The following RABL3 variants were observed in gnomAD, a reference collection of about 807,000 sequenced individuals.
The protein encoded by RABL3 is RAB, member of RAS oncogene family like 3.
A neutral mutation model predicts 31.8 loss-of-function variants in RABL3; 31 were observed. The ratio of observed to expected loss-of-function variants is 0.97; its 90% CI spans 0.73 to 1.31. The LOEUF (loss-of-function observed/expected upper bound fraction) is 1.31. Among genes scored for constraint, RABL3 ranks in the 40% most tolerant of loss-of-function variants. The probability of loss-of-function intolerance (pLI) is 0.00; values close to 1 mark genes in which losing one functional copy is unlikely to be tolerated. For synonymous variants in RABL3, 97 were observed against 99.9 expected (o/e 0.97, Z 0.18); for missense variants, 263 against 279.6 (o/e 0.94, Z 0.42).
chr3:120,720,448 A>G (rs1185899163), intron 2 of RABL3, among the ~76,000 whole-genome samples: 1 of 152,170 alleles, frequency 6.6e-6, no homozygotes, highest in Admixed American at 6.5e-5. Context: ...AAAAGATTAG[A>G]TGAAAGGCTA....
intron 6 of RABL3, among the ~76,000 whole-genome samples, chr3:120,690,756 A>G (rs542640821): frequency 3.4e-4 from 51 of 152,204 alleles, no homozygotes; most frequent in Non-Finnish European, 5.7e-4. Flanking sequence ...ATAGAATGAT[A>G]TAAGATCCTA....
intron 1 of RABL3, 30 bp from the exon 2 acceptor site, chr3:120,730,817 T>C: frequency 6.9e-7 from 1 of 1,446,134 alleles, no homozygotes; most frequent in Non-Finnish European, 9.7e-7. Context: ...TCTAGTCACA[T>C]AAGAGACAAG....
At chr3:120,689,921 C>G in intron 7 of RABL3, 33 bp from the exon 8 acceptor site, 1 of 1,554,052 alleles carries the variant, frequency 6.4e-7, no homozygotes, top group Non-Finnish European at 8.9e-7. Context: ...CATTAAGTCT[C>G]AAGCAATAAA....
At chr3:120,711,929 A>G (rs766636529) in intron 2 of RABL3, among the ~76,000 whole-genome samples, 4 of 152,178 alleles carry the variant, frequency 2.6e-5, no homozygotes, top group Non-Finnish European at 5.9e-5. Context: ...CTTGATTGCC[A>G]CTGATCGTCC....
intron 4 of RABL3, among the ~76,000 whole-genome samples, chr3:120,704,788 G>A (rs7429748): frequency 0.28 from 42,160 of 152,052 alleles, 7,596 homozygotes; most frequent in East Asian, 0.83. Flanking sequence ...GCTCATGCCT[G>A]TAACCCAGCA....
chr3:120,732,191 G>A (rs1017631508), intron 1 of RABL3, among the ~76,000 whole-genome samples: 5 of 152,268 alleles, frequency 3.3e-5, no homozygotes, highest in African/African-American at 1.2e-4. Flanking sequence ...CAACATAAGC[G>A]TCTGCTTCCA....
chr3:120,709,975 C>A, intron 2 of RABL3, 66 bp from the exon 3 acceptor site: 3 of 1,182,952 alleles, frequency 2.5e-6, no homozygotes, highest in Non-Finnish European at 3.6e-6. Flanking sequence ...ACCCTTATTC[C>A]GGTTTAAAGC....
intron 1 of RABL3, among the ~76,000 whole-genome samples, chr3:120,735,250 AC>A (rs1708942202): frequency 6.6e-6 from 1 of 152,134 alleles, no homozygotes; most frequent in Non-Finnish European, 1.5e-5. Flanking sequence ...CAGAGATTCA[AC>A]TTCTTCCTGG....
In RABL3 at chr3:120,688,312, T is replaced by C. The variant is rs1708338614; in HGVS notation, c.*1511A>G. ...GACCAATTCTACATACAGATCATGA[T>C]TTGCATAGCTTTCCTTTGTGTCAAA... is the stretch of plus-strand genomic sequence containing the variant. On this transcript the variant is annotated 3_prime_UTR_variant, in exon 8 of 8. Transcript: ENST00000273375. 6.6e-6 allele frequency: 1 copy of C among 152,606 alleles called. No individual in the cohort carries two copies. The highest frequency in any genetic ancestry group is 1.5e-5 in the Non-Finnish European group (1 of 68,030). 9.5% of individuals were successfully genotyped at this position (152,606 alleles called of 1,614,324 possible). A position where few individuals can be genotyped will look rare whatever the true frequency, so the allele number is the denominator to read the frequency against.
Position 120,709,887 on chromosome 3 carries a change from G to T in RABL3, c.161C>A (p.Thr54Asn). Residue 54 changes from threonine (T) to asparagine (N), a missense_variant, in exon 3 of 8, where the codon ACC (threonine) becomes AAC (asparagine). Thr to Asn is a moderately conservative substitution (Grantham distance 65). Transcript: ENST00000273375. ...DVRVHDYKEG[T>N]PEEKTYYIEL... ...TATGTAGTAGGTCTTCTCTTCTGGG[G>T]TTCCTTCTTTGTAATCATGAACCTA... 6.2e-7 allele frequency: 1 copy of T among 1,601,454 alleles called. No homozygotes were observed. The highest frequency in any genetic ancestry group is 8.5e-7 in the Non-Finnish European group (1 of 1,173,812).
At chr3:120,720,560 C>T (rs1708726724) in intron 2 of RABL3, among the ~76,000 whole-genome samples, 1 of 152,066 alleles carries the variant, frequency 6.6e-6, no homozygotes, top group Non-Finnish European at 1.5e-5. Flanking sequence ...GTAGTCGATT[C>T]AATCAATTGG....
Position 120,742,458 on chromosome 3 carries a change from T to C in RABL3, c.46+4A>G. On this transcript the variant is annotated splice_donor_region_variant and intron_variant, in intron 1 of 7. Coordinates refer to ENST00000273375, the MANE Select transcript of RABL3 (RefSeq NM_173825.5). The stretch of plus-strand genomic sequence containing the variant: ...GAGCCCCAGAGGTAGGGTAAGCCGC[T>C]CACCTGAGTCTCCCAACACCAGTAC... The C allele has an allele frequency of 6.2e-7, 1 of 1,614,060 alleles. No homozygotes were observed. The highest frequency in any genetic ancestry group is 8.5e-7 in the Non-Finnish European group (1 of 1,179,910).
At chr3:120,712,407 C>T (rs1045700812) in intron 2 of RABL3, among the ~76,000 whole-genome samples, 4 of 151,996 alleles carry the variant, frequency 2.6e-5, no homozygotes, top group Admixed American at 1.3e-4. Context: ...AAAAGTTAAA[C>T]CAAGCAGAAA....
At position 120,689,789 on chromosome 3, in the gene RABL3, C is replaced by G; in HGVS notation, c.*34G>C. The G allele has an allele frequency of 6.7e-7, 1 of 1,489,724 alleles. No homozygotes were observed. Among genetic ancestry groups the G allele is most frequent in the South Asian group, 1.1e-5 (1 of 88,140 alleles). The allele number at this position is 1,489,724 out of a possible 1,614,324, so 92.3% of individuals were successfully genotyped here. The stretch of plus-strand genomic sequence containing the variant: ...CAAGATGAGCTGTGAAAAACTGCCA[C>G]TGCTTGCTCACTCTTCCAAAGGATG... On this transcript the variant is annotated 3_prime_UTR_variant, in exon 8 of 8. Coordinates refer to ENST00000273375, the MANE Select transcript of RABL3 (RefSeq NM_173825.5).
In RABL3 at chr3:120,694,204, G is replaced by T; in HGVS notation, c.555C>A (p.Tyr185Ter). The T allele has an allele frequency of 6.2e-7, 1 of 1,611,218 alleles. No homozygotes were observed. Among genetic ancestry groups the T allele is most frequent in the Non-Finnish European group, 8.5e-7 (1 of 1,177,846 alleles). Residue 185 changes from tyrosine to a stop codon, truncating the protein, a stop_gained, in exon 6 of 8, where the codon TAC (tyrosine) becomes TAA (stop). Coordinates refer to ENST00000273375, the MANE Select transcript of RABL3 (RefSeq NM_173825.5). LOFTEE classifies it high-confidence loss of function. Reference protein sequence around the residue: ...EINLDCTNPRYLAAGSSNAVK... With the variant: ...EINLDCTNPR The stretch of plus-strand genomic sequence containing the variant: ...CAGCATTGGAAGAACCTGCAGCTAA[G>T]TACCGTGGATTTGTGCAGTCCTAGA...
At chr3:120,733,266 G>A (rs1448147013) in intron 1 of RABL3, among the ~76,000 whole-genome samples, 1 of 152,202 alleles carries the variant, frequency 6.6e-6, no homozygotes, top group African/African-American at 2.4e-5. Context: ...TAACTGGAGT[G>A]AAATGGTACC....
chr3:120,692,514 T>C (rs902331847), intron 6 of RABL3, among the ~76,000 whole-genome samples: 1 of 152,194 alleles, frequency 6.6e-6, no homozygotes, highest in Non-Finnish European at 1.5e-5. Flanking sequence ...TAAATCTTTA[T>C]GCTAAATTCT....
chr3:120,709,277 T>A (rs1708585273), intron 3 of RABL3, among the ~76,000 whole-genome samples: 1 of 152,002 alleles, frequency 6.6e-6, no homozygotes. Context: ...CTCCAGGTAT[T>A]TGAATATCTA....
chr3:120,740,621 T>C lies in RABL3; in HGVS notation c.46+1841A>G, dbSNP rs894166267. 3.9e-5 allele frequency among the ~76,000 whole-genome samples: 6 copies of C among 152,338 alleles called. No individual in the cohort carries two copies. In the East Asian group the frequency reaches 1.2e-3, roughly 29 times the overall value. On this transcript the variant is annotated intron_variant, in intron 1 of 7. Transcript: ENST00000273375. The stretch of plus-strand genomic sequence containing the variant: ...AATTTTATAAGGGAAATGGCCTTTA[T>C]TTAAAAATAAACTTTCGGGTTTGAA...
Sources: gnomAD v4.1 joint callset for allele counts (sites outside exome capture counted in the v4.1 genomes callset) on GRCh38, gnomAD v4.1.1 for gene constraint, MANE v1.5 for transcripts, NCBI Gene and HGNC (gene_info 2026-07-23, HGNC 2026-07-21) for gene names.